The following TAFA2 variants were observed in gnomAD, a reference collection of about 807,000 sequenced individuals.
The protein encoded by TAFA2 is chemokine-like protein TAFA-2.
TAFA2 carries 7 observed loss-of-function variants against 18.8 expected under a neutral mutation model. The ratio of observed to expected loss-of-function variants is 0.37; its 90% CI spans 0.21 to 0.70. TAFA2 has a LOEUF of 0.70. Ranked by LOEUF, TAFA2 falls within the 30% of genes least tolerant of loss-of-function variation. The probability of loss-of-function intolerance (pLI) is 0.53; values close to 1 mark genes in which losing one functional copy is unlikely to be tolerated. For synonymous variants in TAFA2, 60 were observed against 54.2 expected, an observed-to-expected ratio of 1.11 and a Z score of -0.47; for missense variants, 122 against 158.1, an observed-to-expected ratio of 0.77 and a Z score of 1.23.
chr12:62,178,582 T>C (rs1025168037), intron 1 of TAFA2, among the ~76,000 whole-genome samples: 3 of 152,172 alleles, frequency 2.0e-5, no homozygotes, highest in Non-Finnish European at 4.4e-5. Flanking sequence ...GAGTTTATTA[T>C]TCATCATACA....
chr12:62,125,241 G>A (rs941307120), intron 1 of TAFA2, among the ~76,000 whole-genome samples: 1 of 151,976 alleles, frequency 6.6e-6, no homozygotes, highest in African/African-American at 2.4e-5. Flanking sequence ...CCCCTCTGGA[G>A]TCCTCACCCT....
chr12:62,008,254 G>A (rs186627979), intron 1 of TAFA2, among the ~76,000 whole-genome samples: 2,920 of 151,998 alleles, frequency 0.019, 206 homozygotes, highest in East Asian at 0.17. Context: ...CTTTGTTACT[G>A]TCATTTCCTT....
At chr12:61,738,148 C>T (rs936001038) in intron 4 of TAFA2, among the ~76,000 whole-genome samples, 13 of 151,896 alleles carry the variant, frequency 8.6e-5, no homozygotes, top group African/African-American at 3.1e-4. Context: ...AGAACATTAA[C>T]GTTATATTAG....
chr12:61,722,309 G>A (rs1288865170), intron 4 of TAFA2, among the ~76,000 whole-genome samples: 4 of 152,080 alleles, frequency 2.6e-5, no homozygotes, highest in Non-Finnish European at 4.4e-5. Flanking sequence ...ATTAGAACAG[G>A]CCCCTGTTTT....
chr12:62,097,196 GT>G (rs1292516783), intron 1 of TAFA2, among the ~76,000 whole-genome samples: 6 of 152,138 alleles, frequency 3.9e-5, no homozygotes, highest in Non-Finnish European at 7.4e-5. Flanking sequence ...AAAATGCAGA[GT>G]AGACAGATGT....
At chr12:61,735,803 C>T (rs148091982) in intron 4 of TAFA2, among the ~76,000 whole-genome samples, 7 of 151,672 alleles carry the variant, frequency 4.6e-5, no homozygotes, top group Non-Finnish European at 1.0e-4. Flanking sequence ...TTTACATTGC[C>T]TTATCTTCAT....
intron 1 of TAFA2, among the ~76,000 whole-genome samples, chr12:61,997,235 TA>T (rs1232663373): frequency 2.0e-5 from 3 of 146,400 alleles, no homozygotes; most frequent in Admixed American, 1.4e-4. Flanking sequence ...AAGTGCAATT[TA>T]AAAAAGTAAA....
intron 1 of TAFA2, among the ~76,000 whole-genome samples, chr12:61,973,756 C>T (rs1879337908): frequency 6.6e-6 from 1 of 151,670 alleles, no homozygotes; most frequent in South Asian, 2.1e-4. Context: ...TATATCAGAA[C>T]CACCTGGGAA....
chr12:62,252,155 C>A (rs1233800708), intron 1 of TAFA2: 1 of 152,268 alleles, frequency 6.6e-6, no homozygotes, highest in Non-Finnish European at 1.5e-5. Context: ...GATCCAGTCA[C>A]TCATCCTTGA....
intron 1 of TAFA2, among the ~76,000 whole-genome samples, chr12:61,984,070 A>G (rs1879734565): frequency 6.6e-6 from 1 of 152,198 alleles, no homozygotes. Context: ...CATTTTACCA[A>G]CAATCTGTAT....
chr12:61,799,550 C>G (rs1008576662), intron 2 of TAFA2, among the ~76,000 whole-genome samples: 1 of 152,144 alleles, frequency 6.6e-6, no homozygotes, highest in Non-Finnish European at 1.5e-5. Context: ...TGGCCAGACA[C>G]GGTGGCTCAC....
chr12:61,726,901 C>G (rs1260153369), intron 4 of TAFA2, among the ~76,000 whole-genome samples: 1 of 151,862 alleles, frequency 6.6e-6, no homozygotes, highest in Non-Finnish European at 1.5e-5. Flanking sequence ...AGGTATGTCC[C>G]TTCTATACTA....
At chr12:61,933,244 C>G (rs11174243) in intron 1 of TAFA2, among the ~76,000 whole-genome samples, 7,203 of 152,234 alleles carry the variant, frequency 0.047, 564 homozygotes, top group African/African-American at 0.16. Context: ...AGACTGAGCT[C>G]AAATCCTAGT....
intron 1 of TAFA2, among the ~76,000 whole-genome samples, chr12:62,090,134 G>A (rs78460236): frequency 4.6e-5 from 7 of 152,070 alleles, no homozygotes; most frequent in African/African-American, 1.2e-4. Flanking sequence ...TTTAATTCAC[G>A]TTCAGATCTT....
At chr12:62,001,046 A>G (rs1370380830) in intron 1 of TAFA2, among the ~76,000 whole-genome samples, 1 of 152,244 alleles carries the variant, frequency 6.6e-6, no homozygotes. Flanking sequence ...ATTTATTAAC[A>G]TTCTACAGAA....
At chr12:61,913,696 T>C (rs1349484349) in intron 1 of TAFA2, among the ~76,000 whole-genome samples, 1 of 152,158 alleles carries the variant, frequency 6.6e-6, no homozygotes, top group Non-Finnish European at 1.5e-5. Context: ...GTAATTTAAT[T>C]ACTGAGAAAA....
intron 2 of TAFA2, among the ~76,000 whole-genome samples, chr12:61,758,642 A>C: frequency 6.6e-6 from 1 of 152,192 alleles, no homozygotes; most frequent in East Asian, 1.9e-4. Context: ...TAGATACCTA[A>C]GAAAGAGTGA....
chr12:61,784,498 A>G (rs540002929), intron 2 of TAFA2, among the ~76,000 whole-genome samples: 1 of 151,562 alleles, frequency 6.6e-6, no homozygotes, highest in South Asian at 2.1e-4. Flanking sequence ...TTCTCTTTTA[A>G]TGGTACTGAT....
chr12:61,816,207 G>T (rs1430976811), intron 2 of TAFA2, among the ~76,000 whole-genome samples: 1 of 151,148 alleles, frequency 6.6e-6, no homozygotes, highest in Non-Finnish European at 1.5e-5. Context: ...CCCAGTGTCT[G>T]TTGCTCCCTT....
Sources: allele counts gnomAD v4.1 joint callset (sites outside exome capture counted in the v4.1 genomes callset), GRCh38; gene constraint gnomAD v4.1.1; transcripts MANE v1.5; gene names NCBI Gene and HGNC (gene_info 2026-07-23, HGNC 2026-07-21).